Variants in TNR observed in about 807,000 individuals in gnomAD.
The protein encoded by TNR is tenascin-R.
A neutral mutation model predicts 150.4 loss-of-function variants in TNR; 45 were observed. The ratio of observed to expected loss-of-function variants is 0.30; its 90% CI spans 0.24 to 0.38. The LOEUF is 0.38. TNR is among the 10% of genes least tolerant of loss of function. The pLI, the probability that TNR is intolerant of heterozygous loss-of-function variation, is 1.00. For missense variants in TNR, 1,544 were observed against 1,759.1 expected, an observed-to-expected ratio of 0.88 and a Z score of 2.19; for synonymous variants, 687 against 678.4, an observed-to-expected ratio of 1.01 and a Z score of -0.20.
chr1:175,364,258 A>T (rs898570940), intron 12 of TNR, among the ~76,000 whole-genome samples: 1 of 151,854 alleles, frequency 6.6e-6, no homozygotes, highest in African/African-American at 2.4e-5. Context: ...TATTGACTAT[A>T]CAGGGATTTC....
chr1:175,637,298 G>A (rs1664514871), intron 1 of TNR, among the ~76,000 whole-genome samples: 1 of 152,190 alleles, frequency 6.6e-6, no homozygotes, highest in African/African-American at 2.4e-5. Flanking sequence ...CAGCTGTACA[G>A]CCATTACTAC....
chr1:175,315,657 G>A lies in TNR; in HGVS notation c.*7700C>T, dbSNP rs1460212815. The stretch of plus-strand genomic sequence containing the variant: ...CCACCAGGGTGGGTTTCAGCTGCTC[G>A]GAGCCCCAGTTAATGACCCCCTCAG... On this transcript the variant is annotated 3_prime_UTR_variant, in exon 23 of 23. Coordinates refer to ENST00000367674, the MANE Select transcript of TNR (RefSeq NM_003285.3). The A allele has an allele frequency of 2.0e-5, 3 of 152,276 alleles. No homozygotes were observed. Among genetic ancestry groups the A allele is most frequent in the Admixed American group, 6.5e-5 (1 of 15,300 alleles). The allele number at this position is 152,276 out of a possible 1,614,324, so 9.4% of individuals were successfully genotyped here. A position where few individuals can be genotyped will look rare whatever the true frequency, so the allele number is the denominator to read the frequency against.
At chr1:175,702,118 T>G (rs986322132) in intron 1 of TNR, among the ~76,000 whole-genome samples, 4 of 152,228 alleles carry the variant, frequency 2.6e-5, no homozygotes, top group Admixed American at 6.5e-5. Context: ...TTTTCCGAAG[T>G]AAGATACTCT....
At position 175,576,038 on chromosome 1, in the gene TNR, C is replaced by T. The variant is rs141110183; in HGVS notation, c.-164-47669G>A. Reference sequence around the variant, plus strand: ...AGCAGCTATTTTTTCCCCTCATTCTCTGCAGAAGGTAATAACCCGTCACCA... The same window carrying T: ...AGCAGCTATTTTTTCCCCTCATTCTTTGCAGAAGGTAATAACCCGTCACCA... On this transcript the variant is annotated intron_variant, in intron 1 of 22. Coordinates refer to ENST00000367674, the MANE Select transcript of TNR (RefSeq NM_003285.3). Among the ~76,000 whole-genome samples, 262 of 152,318 alleles carry T rather than the reference C, an allele frequency of 1.7e-3. 5 individuals carry two copies. The East Asian group carries it at 0.042, about 24-fold the overall frequency.
intron 20 of TNR, among the ~76,000 whole-genome samples, chr1:175,333,806 AG>A (rs1383287460): frequency 2.0e-5 from 3 of 152,226 alleles, no homozygotes; most frequent in Non-Finnish European, 4.4e-5. Context: ...AAAACTGGTG[AG>A]GACTGGCTCT....
At chr1:175,324,687 T>C (rs1429264087) in intron 21 of TNR, among the ~76,000 whole-genome samples, 168 bp from the exon 22 acceptor site, 1 of 152,174 alleles carries the variant, frequency 6.6e-6, no homozygotes, top group African/African-American at 2.4e-5. Context: ...ACCTTACCCC[T>C]GGGGCCAACC....
At chr1:175,499,263 A>G (rs1351250472) in intron 2 of TNR, among the ~76,000 whole-genome samples, 6 of 152,268 alleles carry the variant, frequency 3.9e-5, no homozygotes, top group African/African-American at 1.4e-4. Flanking sequence ...AAAGGAAAGC[A>G]TGCCTCGTGA....
chr1:175,340,987 G>T (rs1049364290), intron 18 of TNR, among the ~76,000 whole-genome samples: 2 of 152,194 alleles, frequency 1.3e-5, no homozygotes, highest in Non-Finnish European at 2.9e-5. Context: ...ATAAGAGATT[G>T]CATTTAGCCT....
chr1:175,390,692 T>G (rs1300190164), intron 7 of TNR, among the ~76,000 whole-genome samples: 1 of 152,348 alleles, frequency 6.6e-6, no homozygotes, highest in South Asian at 2.1e-4. Flanking sequence ...CCATACCTAC[T>G]TATTTTTGAA....
rs1048699476 is a variant in TNR at position 175,405,662 on chromosome 1, T to C, written c.499+554A>G. 3.3e-5 allele frequency among the ~76,000 whole-genome samples: 5 copies of C among 151,814 alleles called. No homozygotes were observed. In the South Asian group the frequency reaches 8.3e-4, roughly 25 times the overall value. On this transcript the variant is annotated intron_variant, in intron 3 of 22. Transcript: ENST00000367674. ...GTGTGTGTGTGTGCATACGCTTCTG[T>C]GTGCTTTTTGAGGGGGCAGGGGCTA... is the stretch of plus-strand genomic sequence containing the variant.
At chr1:175,588,520 CT>C (rs894032302) in intron 1 of TNR, among the ~76,000 whole-genome samples, 8 of 151,392 alleles carry the variant, frequency 5.3e-5, no homozygotes, top group Admixed American at 2.0e-4. Flanking sequence ...TGTTTCATGT[CT>C]TTTTTTTTCT....
At chr1:175,522,428 A>G (rs1406862348) in intron 2 of TNR, among the ~76,000 whole-genome samples, 1 of 152,210 alleles carries the variant, frequency 6.6e-6, no homozygotes. Context: ...GAGATGGGGG[A>G]TGAAAGACCA....
rs187486876 is a variant in TNR at position 175,660,685 on chromosome 1, G to A, written c.-165+82541C>T. Among the ~76,000 whole-genome samples the A allele has an allele frequency of 6.0e-4, 91 of 152,310 alleles. 1 individual carries two copies. In the Middle Eastern group the frequency reaches 0.014, roughly 23 times the overall value. ...GACATTGGAGAGGGAGTGAGAAGTT[G>A]GTGAGAAGGGACCCAGAGACCACAG... is the stretch of plus-strand genomic sequence containing the variant. On this transcript the variant is annotated intron_variant, in intron 1 of 22. Coordinates refer to ENST00000367674, the MANE Select transcript of TNR (RefSeq NM_003285.3).
intron 2 of TNR, among the ~76,000 whole-genome samples, chr1:175,503,889 T>C (rs545435958): frequency 6.6e-6 from 1 of 152,248 alleles, no homozygotes; most frequent in East Asian, 1.9e-4. Flanking sequence ...CTGCAGGGAA[T>C]CGAAGCCAGG....
At chr1:175,373,427 C>G (rs1284018760) in intron 9 of TNR, among the ~76,000 whole-genome samples, 2 of 152,142 alleles carry the variant, frequency 1.3e-5, no homozygotes, top group Non-Finnish European at 2.9e-5. Context: ...GTCAGCCTCC[C>G]CACACTTATC....
At chr1:175,338,161 A>G (rs1182227130) in intron 18 of TNR, among the ~76,000 whole-genome samples, 2 of 152,222 alleles carry the variant, frequency 1.3e-5, no homozygotes, top group Non-Finnish European at 2.9e-5. Flanking sequence ...GCTTTCTGTC[A>G]TCTTTACAGT....
chr1:175,670,183 C>T (rs1665653450), intron 1 of TNR, among the ~76,000 whole-genome samples: 1 of 152,196 alleles, frequency 6.6e-6, no homozygotes, highest in Non-Finnish European at 1.5e-5. Flanking sequence ...ATACTGAGAC[C>T]TCAGCCACAG....
chr1:175,635,582 C>T (rs1664468510), intron 1 of TNR, among the ~76,000 whole-genome samples: 1 of 152,100 alleles, frequency 6.6e-6, no homozygotes, highest in Non-Finnish European at 1.5e-5. Context: ...AAAAACTCCC[C>T]CAAATCCAGT....
chr1:175,692,993 G>A (rs1416245988), intron 1 of TNR, among the ~76,000 whole-genome samples: 1 of 152,158 alleles, frequency 6.6e-6, no homozygotes, highest in African/African-American at 2.4e-5. Flanking sequence ...CACTGTTCCA[G>A]GTGCTTGCAA....
Sources: gnomAD v4.1 joint callset for allele counts (sites outside exome capture counted in the v4.1 genomes callset) on GRCh38, gnomAD v4.1.1 for gene constraint, MANE v1.5 for transcripts, NCBI Gene and HGNC (gene_info 2026-07-23, HGNC 2026-07-21) for gene names.